Variants in LUZP2 observed in about 807,000 individuals in gnomAD.
LUZP2 encodes leucine zipper protein 2.
LUZP2 carries 52 observed loss-of-function variants against 51.6 expected under a neutral mutation model. That is an observed-to-expected ratio of 1.01 (90% confidence interval 0.81 to 1.27). The LOEUF is 1.27. Ranked by LOEUF, LUZP2 falls within the 50% of genes most tolerant of loss-of-function variation. The probability of loss-of-function intolerance (pLI) is 0.00; values close to 1 mark genes in which losing one functional copy is unlikely to be tolerated. For synonymous variants in LUZP2, 154 were observed against 137.3 expected, an observed-to-expected ratio of 1.12 and a Z score of -0.85; for missense variants, 436 against 395.4, an observed-to-expected ratio of 1.10 and a Z score of -0.87.
At chr11:24,839,046 A>C (rs983858785) in intron 5 of LUZP2, among the ~76,000 whole-genome samples, 1 of 151,664 alleles carries the variant, frequency 6.6e-6, no homozygotes, top group African/African-American at 2.4e-5. Flanking sequence ...AGATGGTTAT[A>C]ATTATCAATT....
At chr11:24,938,348 G>T (rs1351981433) in intron 7 of LUZP2, among the ~76,000 whole-genome samples, 1 of 152,084 alleles carries the variant, frequency 6.6e-6, no homozygotes, top group African/African-American at 2.4e-5. Flanking sequence ...TGGAAACAGA[G>T]ATCTGAAAGA....
rs1397901888 is a variant in LUZP2 at position 24,981,304 on chromosome 11, C to T, written c.598-1822C>T. 2.0e-5 allele frequency among the ~76,000 whole-genome samples: 3 copies of T among 151,702 alleles called. No individual in the cohort carries two copies. The East Asian group carries it at 5.8e-4, about 29-fold the overall frequency. On this transcript the variant is annotated intron_variant, in intron 8 of 11. Transcript: ENST00000336930. ...CCCATTTTTAGACCATATAGGGTAA[C>T]TTTGTGACCTTGTCATAGCATTTGT...
At chr11:24,805,330 C>T (rs1274380844) in intron 5 of LUZP2, among the ~76,000 whole-genome samples, 6 of 152,052 alleles carry the variant, frequency 3.9e-5, no homozygotes, top group Non-Finnish European at 8.8e-5. Context: ...CAGGTTCCTC[C>T]CACAACAAAT....
At chr11:24,743,842 T>C (rs892260180) in intron 4 of LUZP2, among the ~76,000 whole-genome samples, 1 of 152,066 alleles carries the variant, frequency 6.6e-6, no homozygotes, top group Non-Finnish European at 1.5e-5. Context: ...ATAGATGCCT[T>C]TTATTACATT....
intron 1 of LUZP2, among the ~76,000 whole-genome samples, chr11:24,712,053 T>C (rs984974351): frequency 6.6e-6 from 1 of 152,186 alleles, no homozygotes; most frequent in Non-Finnish European, 1.5e-5. Context: ...CAAAGCAGAA[T>C]AGCAGTTAAA....
At chr11:24,695,037 T>C (rs528279425) in intron 1 of LUZP2, among the ~76,000 whole-genome samples, 1 of 152,080 alleles carries the variant, frequency 6.6e-6, no homozygotes, top group African/African-American at 2.4e-5. Context: ...GGTACATGTA[T>C]ACCTATGTAA....
At chr11:24,708,767 G>T (rs1484715057) in intron 1 of LUZP2, among the ~76,000 whole-genome samples, 1 of 152,188 alleles carries the variant, frequency 6.6e-6, no homozygotes, top group Non-Finnish European at 1.5e-5. Flanking sequence ...CAGAACGCAT[G>T]ATGAATAACA....
At chr11:24,613,949 A>G (rs1458292226) in intron 1 of LUZP2, among the ~76,000 whole-genome samples, 1 of 152,000 alleles carries the variant, frequency 6.6e-6, no homozygotes, top group African/African-American at 2.4e-5. Context: ...TACTAGGCAC[A>G]GTTAACCGCC....
At chr11:24,514,834 G>A (rs1850415923) in intron 1 of LUZP2, among the ~76,000 whole-genome samples, 1 of 152,188 alleles carries the variant, frequency 6.6e-6, no homozygotes, top group Admixed American at 6.5e-5. Flanking sequence ...GGGCTGTTCT[G>A]TAAAAGCGGC....
At chr11:24,612,012 T>G (rs894922490) in intron 1 of LUZP2, among the ~76,000 whole-genome samples, 1 of 152,114 alleles carries the variant, frequency 6.6e-6, no homozygotes, top group African/African-American at 2.4e-5. Context: ...TAAAAGATCA[T>G]GTACTGAAAA....
At chr11:24,984,572 A>G (rs1856139446) in intron 9 of LUZP2, among the ~76,000 whole-genome samples, 2 of 107,022 alleles carry the variant, frequency 1.9e-5, no homozygotes, top group Non-Finnish European at 4.1e-5. Context: ...TAAAAGCCAC[A>G]AGTTCACGAA....
At chr11:24,810,511 G>C (rs890464622) in intron 5 of LUZP2, among the ~76,000 whole-genome samples, 1 of 151,934 alleles carries the variant, frequency 6.6e-6, no homozygotes, top group Non-Finnish European at 1.5e-5. Flanking sequence ...TGAGAAACTA[G>C]AATTTGTCCA....
At chr11:24,922,064 T>A (rs1854080498) in intron 7 of LUZP2, among the ~76,000 whole-genome samples, 1 of 152,100 alleles carries the variant, frequency 6.6e-6, no homozygotes, top group Non-Finnish European at 1.5e-5. Context: ...ATTTTTTTTT[T>A]AAGTAGAGCT....
chr11:24,919,927 T>C (rs1480483810), intron 7 of LUZP2, among the ~76,000 whole-genome samples: 1 of 151,628 alleles, frequency 6.6e-6, no homozygotes, highest in African/African-American at 2.4e-5. Context: ...GAAACAAAAA[T>C]AAATAATTGG....
chr11:25,024,988 A>G (rs913238258), intron 9 of LUZP2, among the ~76,000 whole-genome samples: 6 of 151,602 alleles, frequency 4.0e-5, no homozygotes, highest in African/African-American at 1.5e-4. Flanking sequence ...CAGAAATAAT[A>G]CCACACATCT....
intron 5 of LUZP2, among the ~76,000 whole-genome samples, chr11:24,773,048 G>A (rs1175758755): frequency 6.7e-6 from 1 of 148,888 alleles, no homozygotes; most frequent in African/African-American, 2.5e-5. Context: ...TCCACCATCT[G>A]TGGCATTTTG....
intron 1 of LUZP2, among the ~76,000 whole-genome samples, chr11:24,619,807 A>G (rs761556930): frequency 2.6e-5 from 4 of 152,176 alleles, no homozygotes; most frequent in Non-Finnish European, 4.4e-5. Flanking sequence ...GGGAATAATA[A>G]TAAGAAAAAA....
At chr11:24,873,825 C>T (rs1476521156) in intron 5 of LUZP2, among the ~76,000 whole-genome samples, 1 of 152,148 alleles carries the variant, frequency 6.6e-6, no homozygotes, top group Admixed American at 6.6e-5. Context: ...GTTTAGTTAA[C>T]TTGTTTGTTA....
At chr11:25,028,140 C>T (rs118093133) in intron 9 of LUZP2, among the ~76,000 whole-genome samples, 1 of 152,032 alleles carries the variant, frequency 6.6e-6, no homozygotes, top group South Asian at 2.1e-4. Flanking sequence ...GCATACAATG[C>T]GTAATAGTCA....
Sources: allele counts gnomAD v4.1 joint callset (sites outside exome capture counted in the v4.1 genomes callset), GRCh38; gene constraint gnomAD v4.1.1; transcripts MANE v1.5; gene names NCBI Gene and HGNC (gene_info 2026-07-23, HGNC 2026-07-21).